The following PHACTR2 variants were observed in gnomAD, a reference collection of about 807,000 sequenced individuals.
PHACTR2 encodes chromosome 6 open reading frame 56.
PHACTR2 carries 30 observed loss-of-function variants against 76.0 expected under a neutral mutation model. The observed-to-expected ratio is 0.39, with a 90% CI of 0.30 to 0.54. The LOEUF is 0.54. Among genes scored for constraint, PHACTR2 ranks in the 20% least tolerant of loss-of-function variants. The pLI is 0.61. For missense variants in PHACTR2, 696 were observed against 781.1 expected, an observed-to-expected ratio of 0.89 and a Z score of 1.30; for synonymous variants, 292 against 292.5, an observed-to-expected ratio of 1.00 and a Z score of 0.02.
chr6:143,688,549 C>G lies in PHACTR2; in HGVS notation c.46+10340C>G, dbSNP rs1454656324. ...TTTGATTTTGTCCTCCAAGCCAGTT[C>G]TTCCCTTGACTTTCTACATTTCACC... On this transcript the variant is annotated intron_variant, in intron 1 of 12. Transcript: ENST00000440869. The surrounding 1 kb of genome is among the most constrained non-coding windows in gnomAD (Gnocchi z 5.2). 6.6e-6 allele frequency among the ~76,000 whole-genome samples: 1 copy of G among 152,202 alleles called. No individual in the cohort carries two copies. Among genetic ancestry groups the G allele is most frequent in the Non-Finnish European group, 1.5e-5 (1 of 68,044 alleles).
chr6:143,725,194 C>CTTTTTTTTTTTTTTTTT (rs1562283548), intron 2 of PHACTR2, among the ~76,000 whole-genome samples: 1 of 132,646 alleles, frequency 7.5e-6, no homozygotes, highest in Non-Finnish European at 1.6e-5. Flanking sequence ...CTCCTTTGTG[C>CTTTTTTTTTTTTTTTTT]TGTCTTTTTT....
rs1171955938 is a variant in PHACTR2, at chr6:143,578,516, C to T, written c.217+41309C>T. Among the ~76,000 whole-genome samples, 1 of 152,062 alleles carries T rather than the reference C, an allele frequency of 6.6e-6. No individual in the cohort carries two copies. The highest frequency in any genetic ancestry group is 1.9e-4 in the East Asian group (1 of 5,178). On this transcript the variant is annotated intron_variant, in intron 1 of 11. Transcript: ENST00000367584. This position sits in a 1 kb window ranked among gnomAD's most constrained non-coding sequence, Gnocchi z 4.5. ...AATGGGGCCGAAATGCAGCCCATAC[C>T]CTGCTTGCCAAGCTGGGTACAAAAT...
In PHACTR2 at chr6:143,809,117, C is replaced by T. The variant is rs1027610206; in HGVS notation, c.1922+1984C>T. 6.6e-6 allele frequency among the ~76,000 whole-genome samples: 1 copy of T among 152,118 alleles called. No homozygotes were observed. The highest frequency in any genetic ancestry group is 1.5e-5 in the Non-Finnish European group (1 of 68,004). On this transcript the variant is annotated intron_variant, in intron 12 of 12. Transcript: ENST00000440869. This position sits in a 1 kb window ranked among gnomAD's most constrained non-coding sequence, Gnocchi z 4.2. ...ATAGTTTTGCTTCTGCATAGTTTTCCTAGAAGTTGGAGTATCTGATAGCCT... is the reference window on the plus strand; with the variant it reads ...ATAGTTTTGCTTCTGCATAGTTTTCTTAGAAGTTGGAGTATCTGATAGCCT...
At chr6:143,584,979 T>C (rs1037710843) in intron 1 of PHACTR2, among the ~76,000 whole-genome samples, 24 of 74,012 alleles carry the variant, frequency 3.2e-4, no homozygotes, top group African/African-American at 1.2e-3. Flanking sequence ...CCTACCCAGA[T>C]TAAAAAAAAA....
At position 143,751,090 on chromosome 6, in the gene PHACTR2, ACCT is replaced by A. The variant is rs904751271; in HGVS notation, c.295+2029_295+2031del. ...CTAGAAGCTGCTGTTCTTGGTAACA[ACCT>A]CCTTTCTGCTGCCAGTGAAGATTCA... On this transcript the variant is annotated intron_variant, in intron 3 of 12. Transcript: ENST00000440869. The surrounding 1 kb of genome is among the most constrained non-coding windows in gnomAD (Gnocchi z 5.7). Among the ~76,000 whole-genome samples the A allele has an allele frequency of 6.6e-6, 1 of 152,008 alleles. No individual in the cohort carries two copies. Among genetic ancestry groups the A allele is most frequent in the Non-Finnish European group, 1.5e-5 (1 of 67,984 alleles).
At position 143,774,084 on chromosome 6, in the gene PHACTR2, G is replaced by A; in HGVS notation, c.1458G>A (p.Arg486=). 6.2e-7 allele frequency: 1 copy of A among 1,613,712 alleles called. No homozygotes were observed. Among genetic ancestry groups the A allele is most frequent in the Non-Finnish European group, 8.5e-7 (1 of 1,179,794 alleles). ...GTGCTTTGGCAAGTAAAATACGCCG[G>A]AGGGATACTCTTGCTATCAAACTTG... is the stretch of plus-strand genomic sequence containing the variant. ...GESALASKIR[R]RDTLAIKLGN... is the part of the protein sequence containing the mutation. The change falls in exon 8 of 13, where the codon CGG becomes CGA. Residue 486 remains arginine, a synonymous_variant. Transcript: ENST00000440869. The surrounding 1 kb of genome is among the most constrained non-coding windows in gnomAD (Gnocchi z 5.4).
At chr6:143,715,089 A>G (rs1234777154) in intron 2 of PHACTR2, among the ~76,000 whole-genome samples, 1 of 151,796 alleles carries the variant, frequency 6.6e-6, no homozygotes, top group Non-Finnish European at 1.5e-5. Flanking sequence ...TCCTTTTCCC[A>G]CTGCAATCTA....
chr6:143,568,844 G>T (rs13362700), intron 1 of PHACTR2, among the ~76,000 whole-genome samples: 41,240 of 152,002 alleles, frequency 0.27, 7,375 homozygotes, highest in Non-Finnish European at 0.4. Flanking sequence ...ACGCAAGTAT[G>T]GTATTATTTA....
At position 143,829,684 on chromosome 6, in the gene PHACTR2, G is replaced by A. The variant is rs1300758331; in HGVS notation, c.*5995G>A. On this transcript the variant is annotated 3_prime_UTR_variant, in exon 13 of 13. Transcript: ENST00000440869. ...ATCACCAAAACTGAATGGCAAATAT[G>A]TCTTGACATTACTTGGATGAACTGT... The A allele has an allele frequency of 6.6e-6, 1 of 152,166 alleles. No homozygotes were observed. The highest frequency in any genetic ancestry group is 1.5e-5 in the Non-Finnish European group (1 of 68,036). 9.4% of individuals were successfully genotyped at this position (152,166 alleles called of 1,614,324 possible). A position where few individuals can be genotyped will look rare whatever the true frequency, so the allele number is the denominator to read the frequency against.
At chr6:143,723,947 GTTTTTTTCTTTTTTC>G (rs933147070) in intron 2 of PHACTR2, among the ~76,000 whole-genome samples, 1 of 151,294 alleles carries the variant, frequency 6.6e-6, no homozygotes, top group Non-Finnish European at 1.5e-5. Flanking sequence ...TAATTCTTCC[GTTTTTTTCTTTTTTC>G]TTTTTTTCTT....
chr6:143,701,748 C>T (rs1777917228), intron 1 of PHACTR2, among the ~76,000 whole-genome samples: 1 of 152,146 alleles, frequency 6.6e-6, no homozygotes, highest in South Asian at 2.1e-4. Context: ...AACTACTTCG[C>T]AGGGTTGTAG....
rs1776066151 is a variant in PHACTR2, at chr6:143,616,857, A to G, written c.13+8535A>G. On this transcript the variant is annotated intron_variant, in intron 1 of 11. Transcript: ENST00000305766. The surrounding 1 kb of genome is among the most constrained non-coding windows in gnomAD (Gnocchi z 4.9). ...AATGAAAAGGAATCAGCCACGTGAG[A>G]GCCAGGGTAAAAATGTGTCAAGCTG... is the stretch of plus-strand genomic sequence containing the variant. Among the ~76,000 whole-genome samples, 1 of 152,132 alleles carries G rather than the reference A, an allele frequency of 6.6e-6. No homozygotes were observed. The highest frequency in any genetic ancestry group is 2.1e-4 in the South Asian group (1 of 4,826).
intron 11 of PHACTR2, among the ~76,000 whole-genome samples, chr6:143,799,259 A>G (rs1296101062): frequency 2.0e-5 from 3 of 152,024 alleles, no homozygotes; most frequent in South Asian, 2.1e-4. Flanking sequence ...TATTGCGTCT[A>G]TTTGATTCTT....
At position 143,608,421 on chromosome 6, in the gene PHACTR2, C is replaced by T; in HGVS notation, c.13+99C>T. The T allele has an allele frequency of 8.1e-7, 1 of 1,232,290 alleles. No homozygotes were observed. Among genetic ancestry groups the T allele is most frequent in the Non-Finnish European group, 1.2e-6 (1 of 840,862 alleles). The allele number at this position is 1,232,290 out of a possible 1,614,324, so 76.3% of individuals were successfully genotyped here. A position where few individuals can be genotyped will look rare whatever the true frequency, so the allele number is the denominator to read the frequency against. On this transcript the variant is annotated intron_variant, in intron 1 of 11. Coordinates refer to the PHACTR2 transcript ENST00000305766. This position sits in a 1 kb window ranked among gnomAD's most constrained non-coding sequence, Gnocchi z 4.6. ...TTGCCTATTTGTTGCTCTCGTTTTGCACTTAAATGTTCAAGACTGAGACGC... is the reference window on the plus strand; with the variant it reads ...TTGCCTATTTGTTGCTCTCGTTTTGTACTTAAATGTTCAAGACTGAGACGC...
intron 2 of PHACTR2, among the ~76,000 whole-genome samples, chr6:143,713,352 A>G (rs937715462): frequency 2.6e-5 from 4 of 152,218 alleles, no homozygotes; most frequent in African/African-American, 9.6e-5. Context: ...AAGATTATAG[A>G]TAAAGGAAGA....
intron 1 of PHACTR2, among the ~76,000 whole-genome samples, chr6:143,682,786 T>G (rs1209894493): frequency 2.2e-5 from 3 of 138,384 alleles, no homozygotes; most frequent in African/African-American, 7.8e-5. Context: ...GTTTTTTGTT[T>G]TTTGTTTTTT....
chr6:143,664,401 T>C lies in PHACTR2; in HGVS notation c.14-47615T>C, dbSNP rs554706758. Among the ~76,000 whole-genome samples the C allele has an allele frequency of 2.0e-5, 3 of 152,184 alleles. No individual in the cohort carries two copies. The highest frequency in any genetic ancestry group is 7.2e-5 in the African/African-American group (3 of 41,456). On this transcript the variant is annotated intron_variant, in intron 1 of 11. Transcript: ENST00000305766. This position sits in a 1 kb window ranked among gnomAD's most constrained non-coding sequence, Gnocchi z 5.1. ...AGAAAGCTTATTCCTTTCATATTTA[T>C]TGAGATTACTAATTTGGACTTACAT...
intron 7 of PHACTR2, among the ~76,000 whole-genome samples, chr6:143,773,853 A>G (rs893215272): frequency 6.6e-6 from 1 of 152,226 alleles, no homozygotes. Flanking sequence ...TTTTCAGAAC[A>G]TTAAAAAGAA....
chr6:143,574,672 T>C (rs1027121843), intron 1 of PHACTR2, among the ~76,000 whole-genome samples: 1 of 134,650 alleles, frequency 7.4e-6, no homozygotes, highest in Non-Finnish European at 1.6e-5. Context: ...CAAAATACTT[T>C]TATATTCTTT....
Sources: allele counts gnomAD v4.1 joint callset (sites outside exome capture counted in the v4.1 genomes callset), GRCh38; gene constraint gnomAD v4.1.1; non-coding constraint Gnocchi (gnomAD v3.1); transcripts MANE v1.5; gene names NCBI Gene and HGNC (gene_info 2026-07-23, HGNC 2026-07-21).